Variants in DGKH observed in about 807,000 individuals in gnomAD.
DGKH encodes the protein diacylglycerol kinase eta.
Under a neutral mutation model 159.3 loss-of-function variants are expected in DGKH, and 90 were observed. That is an observed-to-expected ratio of 0.57 (90% confidence interval 0.48 to 0.67). The LOEUF is 0.67. Among genes scored for constraint, DGKH ranks in the 30% least tolerant of loss-of-function variants. The pLI is 0.00. For synonymous variants in DGKH, 536 were observed against 553.8 expected (o/e 0.97, Z 0.45); for missense variants, 1,181 against 1,506.1 (o/e 0.78, Z 3.57).
At chr13:42,109,665 TGTGTGC>T (rs1352853103) in intron 1 of DGKH, among the ~76,000 whole-genome samples, 10 of 88,058 alleles carry the variant, frequency 1.1e-4, no homozygotes, top group South Asian at 3.5e-4. Context: ...TGCGTGCGTG[TGTGTGC>T]GTGTGTGTGT....
exon 31 of DGKH, chr13:42,256,541 T>C (rs1958658430): frequency 1.3e-6 from 1 of 750,810 alleles, no homozygotes; most frequent in African/African-American, 1.7e-5. Flanking sequence ...GTGATTTAAG[T>C]AAATTTATAA....
At chr13:42,173,258 A>G (rs942742691) in intron 11 of DGKH, among the ~76,000 whole-genome samples, 3 of 152,222 alleles carry the variant, frequency 2.0e-5, no homozygotes, top group Non-Finnish European at 4.4e-5. Context: ...GGCATGAGGC[A>G]CCACACCTGG....
chr13:42,232,945 A>G lies in DGKH; in HGVS notation c.*3757A>G, dbSNP rs984998204. ...GGAGTTTGAGACCAGCCTCGGCAAC[A>G]TAGTGAGACCCTGTCTCTGAAAAAA... On this transcript the variant is annotated 3_prime_UTR_variant, in exon 30 of 30. Coordinates refer to ENST00000337343, the MANE Select transcript of DGKH (RefSeq NM_178009.5). 2.0e-5 allele frequency: 3 copies of G among 152,092 alleles called. No homozygotes were observed. The highest frequency in any genetic ancestry group is 1.5e-5 in the Non-Finnish European group (1 of 68,034). The allele number at this position is 152,092 out of a possible 1,614,324, so 9.4% of individuals were successfully genotyped here.
intron 18 of DGKH, among the ~76,000 whole-genome samples, chr13:42,199,215 A>ATCTCT (rs2138151270): frequency 6.6e-6 from 1 of 152,200 alleles, no homozygotes; most frequent in Admixed American, 6.5e-5. Context: ...GATAAAAAAG[A>ATCTCT]GAGAGAGAGA....
At chr13:42,077,728 C>G (rs1055804336) in intron 1 of DGKH, among the ~76,000 whole-genome samples, 4 of 152,134 alleles carry the variant, frequency 2.6e-5, no homozygotes, top group East Asian at 1.9e-4. Context: ...TCTCTTCTGT[C>G]TAAAGAAAAT....
chr13:42,081,346 C>T (rs747986864), intron 1 of DGKH, among the ~76,000 whole-genome samples: 2 of 152,090 alleles, frequency 1.3e-5, no homozygotes, highest in African/African-American at 2.4e-5. Context: ...TCTCCTACCT[C>T]AGCCTCCCAA....
chr13:42,215,069 A>G (rs934489123), intron 25 of DGKH, among the ~76,000 whole-genome samples: 4 of 152,094 alleles, frequency 2.6e-5, no homozygotes, highest in Non-Finnish European at 5.9e-5. Flanking sequence ...TAAAATTTTT[A>G]ATGTATAAGT....
intron 3 of DGKH, among the ~76,000 whole-genome samples, chr13:42,136,108 G>T (rs1419192782): frequency 1.3e-5 from 2 of 152,132 alleles, no homozygotes; most frequent in African/African-American, 2.4e-5. Context: ...TACCTCATAG[G>T]ATTATAAGGA....
intron 1 of DGKH, among the ~76,000 whole-genome samples, chr13:42,040,489 G>A: frequency 6.6e-6 from 1 of 151,952 alleles, no homozygotes; most frequent in South Asian, 2.1e-4. Context: ...GCCACCCGCC[G>A]GGAGGAGGGG....
intron 6 of DGKH, among the ~76,000 whole-genome samples, 174 bp from the exon 7 acceptor site, chr13:42,159,837 T>C (rs1437428336): frequency 1.3e-5 from 2 of 152,218 alleles, no homozygotes; most frequent in African/African-American, 4.8e-5. Context: ...ACCTTACTTT[T>C]ATATTCCTTG....
chr13:42,165,941 C>T (rs560390281), intron 8 of DGKH, among the ~76,000 whole-genome samples: 1 of 152,016 alleles, frequency 6.6e-6, no homozygotes, highest in Non-Finnish European at 1.5e-5. Context: ...CTAAGCAAAC[C>T]GTATTGCAAA....
chr13:42,111,588 A>G (rs1430280848), intron 1 of DGKH, among the ~76,000 whole-genome samples: 1 of 152,162 alleles, frequency 6.6e-6, no homozygotes, highest in Non-Finnish European at 1.5e-5. Context: ...AAAAAAAAAT[A>G]TGTTGGATAA....
At chr13:42,054,803 A>G (rs1406718443) in intron 1 of DGKH, among the ~76,000 whole-genome samples, 1 of 152,218 alleles carries the variant, frequency 6.6e-6, no homozygotes, top group Non-Finnish European at 1.5e-5. Flanking sequence ...TGATTTAATC[A>G]TTTCACAATG....
intron 3 of DGKH, 80 bp from the exon 4 acceptor site, chr13:42,155,211 T>C: frequency 9.7e-7 from 1 of 1,031,440 alleles, no homozygotes; most frequent in East Asian, 2.6e-5. Flanking sequence ...AGAAATGGAA[T>C]TACCTCAGAA....
intron 29 of DGKH, among the ~76,000 whole-genome samples, chr13:42,250,834 T>C (rs1230733319): frequency 1.3e-5 from 2 of 152,198 alleles, no homozygotes; most frequent in African/African-American, 4.8e-5. Flanking sequence ...TAACAAATTT[T>C]CAACCAACAA....
chr13:42,256,563 G>C (rs796285097), exon 31 of DGKH: 1 of 692,134 alleles, frequency 1.4e-6, no homozygotes, highest in South Asian at 1.6e-5. Context: ...GAAAATAAAC[G>C]TGTATATAAT....
intron 13 of DGKH, among the ~76,000 whole-genome samples, chr13:42,180,975 A>C (rs1304011450): frequency 6.6e-6 from 1 of 152,152 alleles, no homozygotes; most frequent in Non-Finnish European, 1.5e-5. Flanking sequence ...GAAATTCTGC[A>C]CAGTAAGAAT....
Position 42,133,611 on chromosome 13 carries a change from G to A in DGKH, c.384+3979G>A, listed in dbSNP as rs549958176. 1.1e-4 allele frequency among the ~76,000 whole-genome samples: 17 copies of A among 152,188 alleles called. No individual in the cohort carries two copies. The East Asian group carries it at 2.3e-3, about 21-fold the overall frequency. ...TTCTGGAGGCTGAGATGGGAGGATC[G>A]CTTGAGCTCTGGAGTTTGAGGTTGC... On this transcript the variant is annotated intron_variant, in intron 3 of 29. Transcript: ENST00000337343.
intron 13 of DGKH, among the ~76,000 whole-genome samples, chr13:42,186,194 A>G (rs1956922585): frequency 6.6e-6 from 1 of 152,172 alleles, no homozygotes; most frequent in Non-Finnish European, 1.5e-5. Flanking sequence ...AAATTTCTCA[A>G]TTTATATCAA....
Sources: allele counts gnomAD v4.1 joint callset (sites outside exome capture counted in the v4.1 genomes callset), GRCh38; gene constraint gnomAD v4.1.1; transcripts MANE v1.5; gene names NCBI Gene and HGNC (gene_info 2026-07-23, HGNC 2026-07-21).